UTRN: variants seen among roughly 807,000 people sequenced by gnomAD.
The protein encoded by UTRN is dystrophin-related protein 1.
UTRN carries 283 observed loss-of-function variants against 463.9 expected under a neutral mutation model. That is an observed-to-expected ratio of 0.61 (90% CI 0.55 to 0.67). The LOEUF is 0.67. Ranked by LOEUF, UTRN falls within the 30% of genes least tolerant of loss-of-function variation. The probability of loss-of-function intolerance (pLI) is 0.00; values close to 1 mark genes in which losing one functional copy is unlikely to be tolerated. For synonymous variants in UTRN, 1,442 were observed against 1,431.5 expected (o/e 1.01, Z -0.17); for missense variants, 3,922 against 4,084.3 (o/e 0.96, Z 1.08).
intron 9 of UTRN, among the ~76,000 whole-genome samples, chr6:144,433,511 T>G (rs1474173576): frequency 7.4e-6 from 1 of 134,540 alleles, no homozygotes; most frequent in Non-Finnish European, 1.6e-5. Context: ...CCAGACGGGG[T>G]GGCTGCCGGG....
chr6:144,422,266 AT>A (rs1471649335), intron 4 of UTRN, among the ~76,000 whole-genome samples: 13 of 152,218 alleles, frequency 8.5e-5, no homozygotes, highest in Non-Finnish European at 1.5e-5. Context: ...AGAGGACACA[AT>A]GTTTTGAACA....
chr6:144,705,260 T>C (rs1386056044), intron 53 of UTRN, among the ~76,000 whole-genome samples: 2 of 152,132 alleles, frequency 1.3e-5, no homozygotes, highest in African/African-American at 4.8e-5. Context: ...AATACTTTTA[T>C]TTAAAGGCTG....
chr6:144,633,673 C>T (rs1363955899), intron 51 of UTRN, among the ~76,000 whole-genome samples: 1 of 152,186 alleles, frequency 6.6e-6, no homozygotes, highest in African/African-American at 2.4e-5. Flanking sequence ...AAAGGAAAAG[C>T]AATCTAAGTA....
At chr6:144,789,111 A>G in intron 61 of UTRN, 83 bp from the exon 62 acceptor site, 2 of 1,139,284 alleles carry the variant, frequency 1.8e-6, no homozygotes, top group Non-Finnish European at 2.5e-6. Flanking sequence ...GTTTACCCCC[A>G]AGAAAATAGA....
intron 54 of UTRN, among the ~76,000 whole-genome samples, chr6:144,736,182 G>A (rs2128717338): frequency 6.6e-6 from 1 of 152,214 alleles, no homozygotes; most frequent in East Asian, 1.9e-4. Context: ...TTATACTTTT[G>A]TTGTTTACCA....
At chr6:144,763,502 G>A (rs968529539) in intron 58 of UTRN, among the ~76,000 whole-genome samples, 1 of 152,110 alleles carries the variant, frequency 6.6e-6, no homozygotes, top group Non-Finnish European at 1.5e-5. Flanking sequence ...GATCTTTATC[G>A]CAGTCATACA....
intron 2 of UTRN, among the ~76,000 whole-genome samples, chr6:144,314,502 C>T (rs1220347437): frequency 2.0e-5 from 3 of 152,224 alleles, no homozygotes; most frequent in Admixed American, 6.5e-5. Context: ...GCCAGCGAAC[C>T]TCCTTCATGG....
chr6:144,415,436 G>T (rs1784282737), intron 3 of UTRN, among the ~76,000 whole-genome samples: 1 of 152,166 alleles, frequency 6.6e-6, no homozygotes, highest in African/African-American at 2.4e-5. Flanking sequence ...TTGATACAAA[G>T]AATTAGAATT....
In UTRN at chr6:144,690,072, C is replaced by CTATTTT. The variant is rs1428641511; in HGVS notation, c.7653-10014_7653-10013insATTTTT. 1.3e-3 allele frequency among the ~76,000 whole-genome samples: 46 copies of CTATTTT among 35,630 alleles called. 3 individuals carry two copies. The highest frequency in any genetic ancestry group is 2.9e-3 in the East Asian group (2 of 686). 23.4% of individuals were successfully genotyped at this position (35,630 alleles called of 152,430 possible). ...GGGGCCATAGAGCTCCCAAAAGTTTCTGTTTTTTTTTTTTTTTTTTTTTTG... is the reference window on the plus strand; with the variant it reads ...GGGGCCATAGAGCTCCCAAAAGTTTCTATTTTTGTTTTTTTTTTTTTTTTTTTTTTG... On this transcript the variant is annotated intron_variant, in intron 52 of 74. Transcript: ENST00000367545.
intron 3 of UTRN, among the ~76,000 whole-genome samples, chr6:144,413,450 G>A (rs1784092733): frequency 6.7e-6 from 1 of 149,184 alleles, no homozygotes; most frequent in Admixed American, 6.7e-5. Context: ...GTCTTGCATG[G>A]CGTCAGGCAA....
intron 51 of UTRN, among the ~76,000 whole-genome samples, chr6:144,635,548 T>TC (rs1777081194): frequency 1.6e-5 from 2 of 126,130 alleles, no homozygotes; most frequent in Non-Finnish European, 3.2e-5. Context: ...TTTTTTTTTT[T>TC]TTTTTTTTTG....
intron 40 of UTRN, among the ~76,000 whole-genome samples, 196 bp downstream of exon 40, chr6:144,522,367 T>C (rs555273984): frequency 2.0e-5 from 3 of 152,322 alleles, no homozygotes; most frequent in Non-Finnish European, 4.4e-5. Context: ...AAAGTGGGTA[T>C]GGATTGTTAA....
At chr6:144,687,401 A>G (rs1168873480) in intron 52 of UTRN, among the ~76,000 whole-genome samples, 1 of 152,192 alleles carries the variant, frequency 6.6e-6, no homozygotes, top group Non-Finnish European at 1.5e-5. Context: ...AGTGAGGAGT[A>G]GCTATTCTTA....
chr6:144,564,693 T>C (rs1029224788), intron 50 of UTRN, among the ~76,000 whole-genome samples: 36 of 152,068 alleles, frequency 2.4e-4, no homozygotes, highest in African/African-American at 8.5e-4. Context: ...GAGCTCCTTA[T>C]AAAACTATCA....
chr6:144,501,280 A>G (rs1209456610), intron 34 of UTRN, among the ~76,000 whole-genome samples: 1 of 152,182 alleles, frequency 6.6e-6, no homozygotes, highest in Non-Finnish European at 1.5e-5. Context: ...ATTGTTGTTA[A>G]ATTTAAGTTT....
intron 51 of UTRN, among the ~76,000 whole-genome samples, chr6:144,607,916 C>T (rs560181992): frequency 6.6e-6 from 1 of 152,290 alleles, no homozygotes; most frequent in Admixed American, 6.5e-5. Context: ...TCCTCTTGCT[C>T]TGAGAAACCC....
intron 2 of UTRN, among the ~76,000 whole-genome samples, chr6:144,302,523 T>A (rs2114536028): frequency 7.5e-6 from 1 of 133,984 alleles, no homozygotes; most frequent in Non-Finnish European, 1.5e-5. Context: ...AAAAAAGACT[T>A]GCTATGCCTT....
intron 2 of UTRN, among the ~76,000 whole-genome samples, chr6:144,347,850 G>GTTTTTTTTTTTTTTTTTTTTTTTTTT (rs1340536493): frequency 1.6e-5 from 2 of 128,598 alleles, no homozygotes; most frequent in African/African-American, 6.7e-5. Context: ...TTTTTTTTTT[G>GTTTTTTTTTTTTTTTTTTTTTTTTTT]TTTTTTTTTT....
chr6:144,448,402 T>G (rs1787907860), intron 16 of UTRN, among the ~76,000 whole-genome samples, 198 bp from the exon 17 acceptor site: 2 of 150,972 alleles, frequency 1.3e-5, no homozygotes, highest in Admixed American at 6.6e-5. Flanking sequence ...GAATGGGGAG[T>G]GTTGGTTTAT....
Sources: allele counts gnomAD v4.1 joint callset (sites outside exome capture counted in the v4.1 genomes callset), GRCh38; gene constraint gnomAD v4.1.1; transcripts MANE v1.5; gene names NCBI Gene and HGNC (gene_info 2026-07-23, HGNC 2026-07-21).